Variants in PRKCH observed in about 807,000 individuals in gnomAD.
The protein encoded by PRKCH is protein kinase C eta.
PRKCH carries 28 observed loss-of-function variants against 82.5 expected under a neutral mutation model. The observed-to-expected ratio is 0.34, with a 90% confidence interval of 0.25 to 0.47. PRKCH has a LOEUF of 0.47. Among genes scored for constraint, PRKCH ranks in the 20% least tolerant of loss-of-function variants. The pLI is 1.00. For synonymous variants in PRKCH, 322 were observed against 327.4 expected, an observed-to-expected ratio of 0.98 and a Z score of 0.18; for missense variants, 705 against 881.8, an observed-to-expected ratio of 0.80 and a Z score of 2.54.
At chr14:61,201,767 T>C (rs76107215) in intron 1 of PRKCH, among the ~76,000 whole-genome samples, 530 of 152,236 alleles carry the variant, frequency 3.5e-3, no homozygotes, top group Non-Finnish European at 5.3e-3. Flanking sequence ...GTGAGTCAAA[T>C]TCGTAATTTT....
chr14:61,432,156 T>C (rs1883433124), intron 2 of PRKCH, among the ~76,000 whole-genome samples: 1 of 152,124 alleles, frequency 6.6e-6, no homozygotes, highest in Non-Finnish European at 1.5e-5. Flanking sequence ...ACCCTCCTAC[T>C]GAGCAATCTA....
intron 1 of PRKCH, among the ~76,000 whole-genome samples, chr14:61,224,341 C>G (rs1196221004): frequency 1.3e-5 from 2 of 152,334 alleles, no homozygotes; most frequent in East Asian, 3.9e-4. Context: ...TTTGTCACAA[C>G]TAAGAAGGAA....
At chr14:61,358,729 G>T (rs1296763930) in intron 1 of PRKCH, among the ~76,000 whole-genome samples, 1 of 152,020 alleles carries the variant, frequency 6.6e-6, no homozygotes, top group Non-Finnish European at 1.5e-5. Context: ...CTGGCCCTTG[G>T]TGGCATTCTA....
chr14:61,460,515 A>G (rs1039614263), intron 9 of PRKCH, among the ~76,000 whole-genome samples: 2 of 152,160 alleles, frequency 1.3e-5, no homozygotes, highest in Admixed American at 6.5e-5. Flanking sequence ...TGTACCACAC[A>G]TTGTTCTAAG....
intron 1 of PRKCH, among the ~76,000 whole-genome samples, chr14:61,251,982 G>T: frequency 6.6e-6 from 1 of 152,064 alleles, no homozygotes; most frequent in East Asian, 1.9e-4. Flanking sequence ...TGGGATTACA[G>T]GTGCACGCCA....
rs775428714 is a variant in PRKCH, at chr14:61,530,388, C to T, written c.1573-19C>T. The T allele has an allele frequency of 7.9e-6, 12 of 1,512,872 alleles. No individual in the cohort carries two copies. Among genetic ancestry groups the T allele is most frequent in the South Asian group, 6.7e-5 (5 of 74,108 alleles). The allele number at this position is 1,512,872 out of a possible 1,614,324, so 93.7% of individuals were successfully genotyped here. On this transcript the variant is annotated intron_variant, in intron 11 of 13. Coordinates refer to ENST00000332981, the MANE Select transcript of PRKCH (RefSeq NM_006255.5). ...ATCTGATGTATGAACCACCTTCTCACGCTGCCCCCTTTGCACAGATCCTCC... is the reference window on the plus strand; with the variant it reads ...ATCTGATGTATGAACCACCTTCTCATGCTGCCCCCTTTGCACAGATCCTCC...
intron 12 of PRKCH, among the ~76,000 whole-genome samples, chr14:61,539,014 C>T (rs1594796845): frequency 1.3e-5 from 2 of 152,316 alleles, no homozygotes; most frequent in Admixed American, 1.3e-4. Context: ...TGTAGGGTAG[C>T]AGCAGCTTTT....
chr14:61,297,460 T>C (rs2045414704), intron 1 of PRKCH, among the ~76,000 whole-genome samples: 1 of 152,220 alleles, frequency 6.6e-6, no homozygotes, highest in African/African-American at 2.4e-5. Context: ...GCTGATTTTC[T>C]AAGAATGTTG....
In PRKCH at chr14:61,549,914, G is replaced by T; in HGVS notation, c.*83G>T. The T allele has an allele frequency of 6.9e-7, 1 of 1,457,512 alleles. No homozygotes were observed. Among genetic ancestry groups the T allele is most frequent in the Non-Finnish European group, 9.3e-7 (1 of 1,074,302 alleles). 90.3% of individuals were successfully genotyped at this position (1,457,512 alleles called of 1,614,324 possible). On this transcript the variant is annotated 3_prime_UTR_variant, in exon 14 of 14. Coordinates refer to ENST00000332981, the MANE Select transcript of PRKCH (RefSeq NM_006255.5). ...GAATTTCCTCTATGGGACCTTCCCA[G>T]CATCAGCCTTAGAACAAGAACCTTA...
At chr14:61,244,514 G>T (rs1225849102) in intron 1 of PRKCH, among the ~76,000 whole-genome samples, 1 of 152,180 alleles carries the variant, frequency 6.6e-6, no homozygotes, top group Non-Finnish European at 1.5e-5. Context: ...TTAGCCATGT[G>T]GCTGCTAAAT....
At chr14:61,259,151 T>A (rs2045023712) in intron 1 of PRKCH, among the ~76,000 whole-genome samples, 1 of 152,198 alleles carries the variant, frequency 6.6e-6, no homozygotes, top group Non-Finnish European at 1.5e-5. Context: ...GAGTCCATTA[T>A]CCTGTCAGAG....
intron 12 of PRKCH, among the ~76,000 whole-genome samples, chr14:61,538,452 T>C (rs1355535158): frequency 1.3e-5 from 2 of 152,262 alleles, no homozygotes; most frequent in African/African-American, 4.8e-5. Context: ...ATAATTTTAC[T>C]AAAGTTCTTG....
At chr14:61,385,434 G>A (rs971096474) in intron 1 of PRKCH, among the ~76,000 whole-genome samples, 17 of 152,238 alleles carry the variant, frequency 1.1e-4, no homozygotes, top group Non-Finnish European at 2.1e-4. Flanking sequence ...AGCACAGGAT[G>A]TGGGAAGCAA....
intron 1 of PRKCH, among the ~76,000 whole-genome samples, chr14:61,212,968 T>A (rs1184591154): frequency 6.6e-6 from 1 of 152,108 alleles, no homozygotes; most frequent in Non-Finnish European, 1.5e-5. Context: ...TTTGAGTTAG[T>A]TTTTCAGGGT....
chr14:61,389,809 T>C lies in PRKCH; in HGVS notation c.364-1416T>C, dbSNP rs184938152. 3.9e-3 allele frequency among the ~76,000 whole-genome samples: 593 copies of C among 152,246 alleles called. 13 individuals are homozygous for C. The South Asian group carries it at 0.06, about 15-fold the overall frequency. On this transcript the variant is annotated intron_variant, in intron 1 of 13. Coordinates refer to ENST00000332981, the MANE Select transcript of PRKCH (RefSeq NM_006255.5). ...ACCTTGCCCAGGGTCCAGAACCAGC[T>C]GTGACAGAATCAGACTAGAGTTCTT...
intron 1 of PRKCH, among the ~76,000 whole-genome samples, chr14:61,261,103 A>C (rs1189920284): frequency 6.6e-6 from 1 of 152,182 alleles, no homozygotes; most frequent in Admixed American, 6.5e-5. Context: ...ACCACCACCA[A>C]CAAAAAAACC....
chr14:61,275,189 C>G (rs930056250), intron 1 of PRKCH, among the ~76,000 whole-genome samples: 2 of 152,230 alleles, frequency 1.3e-5, no homozygotes, highest in African/African-American at 4.8e-5. Flanking sequence ...GTCATTGCCT[C>G]ATCCAGAAGT....
intron 1 of PRKCH, among the ~76,000 whole-genome samples, chr14:61,210,109 CAAATATATATATATATATATATATATAT>C (rs2044559081): frequency 1.8e-5 from 1 of 56,970 alleles, no homozygotes; most frequent in Non-Finnish European, 3.6e-5. Context: ...AACAAACAAA[CAAATATATATATATATATATATATATAT>C]ATATATATAT....
At chr14:61,188,395 G>T (rs1009886142) in intron 1 of PRKCH, among the ~76,000 whole-genome samples, 3 of 152,196 alleles carry the variant, frequency 2.0e-5, no homozygotes, top group Non-Finnish European at 2.9e-5. Flanking sequence ...GCTGGCCCGC[G>T]GCTCTCAGGC....
Sources: gnomAD v4.1 joint callset for allele counts (sites outside exome capture counted in the v4.1 genomes callset) on GRCh38, gnomAD v4.1.1 for gene constraint, MANE v1.5 for transcripts, NCBI Gene and HGNC (gene_info 2026-07-23, HGNC 2026-07-21) for gene names.